MEGF10: variants seen among roughly 807,000 people sequenced by gnomAD.
The protein encoded by MEGF10 is multiple epidermal growth factor-like domains protein 10.
In MEGF10, 86 loss-of-function variants were observed where a neutral mutation model predicts 147.5. The ratio of observed to expected loss-of-function variants is 0.58; its 90% CI spans 0.49 to 0.70. The LOEUF (loss-of-function observed/expected upper bound fraction) is 0.70. Among genes scored for constraint, MEGF10 ranks in the 30% least tolerant of loss-of-function variants. MEGF10 has a pLI of 0.00. For synonymous variants in MEGF10, 478 were observed against 525.5 expected, an observed-to-expected ratio of 0.91 and a Z score of 1.24; for missense variants, 1,329 against 1,487.3, an observed-to-expected ratio of 0.89 and a Z score of 1.75.
chr5:127,411,839 A>G (rs1023733795), intron 9 of MEGF10, among the ~76,000 whole-genome samples: 1 of 152,214 alleles, frequency 6.6e-6, no homozygotes, highest in African/African-American at 2.4e-5. Context: ...TTCCTACAGT[A>G]TAAGTCTTAT....
At chr5:127,315,063 A>T (rs1404677760) in intron 1 of MEGF10, among the ~76,000 whole-genome samples, 1 of 152,174 alleles carries the variant, frequency 6.6e-6, no homozygotes, top group African/African-American at 2.4e-5. Context: ...CAACAGGGAA[A>T]TGACATTTGA....
chr5:127,283,621 G>A, the MEGF10 span, among the ~76,000 whole-genome samples: 1 of 152,196 alleles, frequency 6.6e-6, no homozygotes, highest in Non-Finnish European at 1.5e-5. Flanking sequence ...TTCTCAAAGT[G>A]CAATCCAAGA....
In MEGF10 at chr5:127,331,294, G is replaced by T. The variant is rs540842393; in HGVS notation, c.-15G>T. Reference sequence around the variant, plus strand: ...TGGGATTTTTTCTTTCTTGTAGGTTGTTCTTCAGAAAAAAATGGTTATTTC... The same window carrying T: ...TGGGATTTTTTCTTTCTTGTAGGTTTTTCTTCAGAAAAAAATGGTTATTTC... On this transcript the variant is annotated 5_prime_UTR_variant, in exon 2 of 25. Coordinates refer to ENST00000503335, the MANE Select transcript of MEGF10 (RefSeq NM_001256545.2). 1 of 1,513,864 alleles carries T rather than the reference G, an allele frequency of 6.6e-7. No individual in the cohort carries two copies. Among genetic ancestry groups the T allele is most frequent in the South Asian group, 1.1e-5 (1 of 88,038 alleles). The allele number at this position is 1,513,864 out of a possible 1,614,324, so 93.8% of individuals were successfully genotyped here.
At chr5:127,395,693 C>G (rs146507481) in intron 5 of MEGF10, among the ~76,000 whole-genome samples, 3 of 151,622 alleles carry the variant, frequency 2.0e-5, no homozygotes. Context: ...TACAGGCGCC[C>G]GCCACCATGC....
intron 1 of MEGF10, among the ~76,000 whole-genome samples, chr5:127,318,887 C>T (rs1356173418): frequency 6.6e-6 from 1 of 152,076 alleles, no homozygotes; most frequent in African/African-American, 2.4e-5. Flanking sequence ...GCACAATTGC[C>T]TAATGGTATA....
In MEGF10 at chr5:127,440,907, T is replaced by C. The variant is rs1416631449; in HGVS notation, c.2362+40T>C. The C allele has an allele frequency of 3.7e-6, 6 of 1,600,668 alleles. No individual in the cohort carries two copies. The African/African-American group carries it at 4.0e-5, about 11-fold the overall frequency. ...GTGGCATCACTGGGTGGTATTTTTTTCCTCTAGAATCACATTTCCTAGATG... is the reference window on the plus strand; with the variant it reads ...GTGGCATCACTGGGTGGTATTTTTTCCCTCTAGAATCACATTTCCTAGATG... On this transcript the variant is annotated intron_variant, in intron 18 of 24. Transcript: ENST00000503335.
intron 1 of MEGF10, among the ~76,000 whole-genome samples, chr5:127,307,502 A>T (rs758226644): frequency 2.6e-4 from 40 of 152,314 alleles, no homozygotes; most frequent in South Asian, 6.2e-4. Flanking sequence ...TATTTTGAGG[A>T]TGAATACTAA....
chr5:127,437,783 C>A (rs1471251173), intron 16 of MEGF10, among the ~76,000 whole-genome samples: 3 of 151,978 alleles, frequency 2.0e-5, no homozygotes, highest in Non-Finnish European at 4.4e-5. Context: ...TTAAAAGGAG[C>A]CTGAAGTGGC....
chr5:127,294,548 C>T (rs1309814896), intron 1 of MEGF10, among the ~76,000 whole-genome samples: 1 of 152,084 alleles, frequency 6.6e-6, no homozygotes, highest in African/African-American at 2.4e-5. Context: ...CCTGTAATCC[C>T]AGCACTTTGT....
chr5:127,285,012 C>A, the MEGF10 span, among the ~76,000 whole-genome samples: 1 of 152,022 alleles, frequency 6.6e-6, no homozygotes, highest in African/African-American at 2.4e-5. Context: ...CTCATAAAAT[C>A]CTTGTGGATC....
At chr5:127,368,584 C>T (rs938672905) in intron 4 of MEGF10, among the ~76,000 whole-genome samples, 1 of 152,154 alleles carries the variant, frequency 6.6e-6, no homozygotes, top group African/African-American at 2.4e-5. Context: ...CCAAACACTG[C>T]ACCCAACAGA....
intron 1 of MEGF10, among the ~76,000 whole-genome samples, chr5:127,318,895 A>G (rs1036326857): frequency 6.6e-6 from 1 of 152,232 alleles, no homozygotes; most frequent in Admixed American, 6.5e-5. Context: ...GCCTAATGGT[A>G]TATAAAAATT....
the MEGF10 span, among the ~76,000 whole-genome samples, chr5:127,238,813 C>T: frequency 9.1e-3 from 1,382 of 152,246 alleles, 30 homozygotes; most frequent in African/African-American, 0.032. Flanking sequence ...GTAAATGTCT[C>T]TTGGTATTAA....
At chr5:127,443,340 C>G (rs1326097398) in intron 19 of MEGF10, among the ~76,000 whole-genome samples, 2 of 152,182 alleles carry the variant, frequency 1.3e-5, no homozygotes, top group Non-Finnish European at 2.9e-5. Flanking sequence ...AGTAATTTTC[C>G]CAAAGTCACA....
At chr5:127,257,571 G>C in the MEGF10 span, among the ~76,000 whole-genome samples, 191 of 152,300 alleles carry the variant, frequency 1.3e-3, 1 homozygote, top group East Asian at 0.034. Flanking sequence ...AAAAGTATCT[G>C]AGAAAAGTCT....
chr5:127,447,300 C>T (rs1001922021), intron 20 of MEGF10, among the ~76,000 whole-genome samples: 11 of 152,106 alleles, frequency 7.2e-5, no homozygotes, highest in African/African-American at 2.7e-4. Context: ...CTCAGCCTCC[C>T]GAGTAGCTGG....
At chr5:127,362,653 C>T (rs35526) in intron 4 of MEGF10, among the ~76,000 whole-genome samples, 1 of 151,926 alleles carries the variant, frequency 6.6e-6, no homozygotes, top group East Asian at 1.9e-4. Context: ...CGTGACCCAC[C>T]GCACCCGGCC....
chr5:127,363,415 C>T lies in MEGF10; in HGVS notation c.320-6495C>T, dbSNP rs562807955. 4.9e-4 allele frequency among the ~76,000 whole-genome samples: 74 copies of T among 152,266 alleles called. 1 individual carries two copies. The highest frequency in any genetic ancestry group is 1.8e-3 in the African/African-American group (73 of 41,550). On this transcript the variant is annotated intron_variant, in intron 4 of 24. Transcript: ENST00000503335. ...GAAGGGTTCCATGATTCTCTTGGTC[C>T]TTCCCTCAGAGTTGCCTGGTGCTTT... is the stretch of plus-strand genomic sequence containing the variant.
chr5:127,422,830 T>C (rs1446625302), intron 13 of MEGF10, 58 bp downstream of exon 13: 7 of 1,264,334 alleles, frequency 5.5e-6, no homozygotes, highest in Non-Finnish European at 8.0e-6. Context: ...CACCTAGTGC[T>C]GTTCCTTATC....
Sources: allele counts gnomAD v4.1 joint callset (sites outside exome capture counted in the v4.1 genomes callset), GRCh38; gene constraint gnomAD v4.1.1; transcripts MANE v1.5; gene names NCBI Gene and HGNC (gene_info 2026-07-23, HGNC 2026-07-21).